The following RBKS variants were observed in gnomAD, a reference collection of about 807,000 sequenced individuals.
The protein encoded by RBKS is ribokinase.
RBKS carries 33 observed loss-of-function variants against 33.9 expected under a neutral mutation model. The observed-to-expected ratio is 0.97, with a 90% CI of 0.74 to 1.30. RBKS has a LOEUF of 1.30. Ranked by LOEUF, RBKS falls within the 50% of genes most tolerant of loss-of-function variation. RBKS has a pLI of 0.00. For synonymous variants in RBKS, 125 were observed against 143.0 expected, an observed-to-expected ratio of 0.87 and a Z score of 0.90; for missense variants, 361 against 392.6, an observed-to-expected ratio of 0.92 and a Z score of 0.68.
rs1482804507 is a variant in RBKS at position 27,837,975 on chromosome 2, G to A, written c.514+5092C>T. On this transcript the variant is annotated intron_variant, in intron 5 of 7. Transcript: ENST00000302188. The surrounding 1 kb of genome is among the most constrained non-coding windows in gnomAD (Gnocchi z 4.0). ...AGTACTTTGGGAGGTTGAGGCAGGTGGATCACCTGAGGTAAGAAGTTCAAG... is the reference window on the plus strand; with the variant it reads ...AGTACTTTGGGAGGTTGAGGCAGGTAGATCACCTGAGGTAAGAAGTTCAAG... Among the ~76,000 whole-genome samples, 2 of 152,152 alleles carry A rather than the reference G, an allele frequency of 1.3e-5. No homozygotes were observed. Among genetic ancestry groups the A allele is most frequent in the Non-Finnish European group, 2.9e-5 (2 of 68,026 alleles).
chr2:27,781,494 TA>T lies in RBKS; in HGVS notation c.*120del. ...AAATTGAAGCTTGAGGATGACTTCG[TA>T]AAAGAACTAATATTTGCAAAGAAAG... is the stretch of plus-strand genomic sequence containing the variant. On this transcript the variant is annotated 3_prime_UTR_variant, in exon 8 of 8. Transcript: ENST00000302188. 2.7e-6 allele frequency: 2 copies of T among 749,488 alleles called. No individual in the cohort carries two copies. The highest frequency in any genetic ancestry group is 2.1e-6 in the Non-Finnish European group (1 of 473,310). The allele number at this position is 749,488 out of a possible 1,614,324, so 46.4% of individuals were successfully genotyped here. A position where few individuals can be genotyped will look rare whatever the true frequency, so the allele number is the denominator to read the frequency against.
chr2:27,889,096 T>C (rs1271076015), intron 1 of RBKS, among the ~76,000 whole-genome samples: 1 of 152,266 alleles, frequency 6.6e-6, no homozygotes, highest in Admixed American at 6.5e-5. Context: ...CGTCAGTCAC[T>C]ATAACTGCCT....
chr2:27,819,068 C>T (rs1424883554), intron 7 of RBKS, among the ~76,000 whole-genome samples: 3 of 152,226 alleles, frequency 2.0e-5, no homozygotes, highest in Non-Finnish European at 4.4e-5. Context: ...AGCACATTCA[C>T]TTGATTCCTT....
intron 7 of RBKS, among the ~76,000 whole-genome samples, chr2:27,801,963 A>AATATAT (rs869036134): frequency 9.2e-4 from 44 of 47,614 alleles, no homozygotes; most frequent in Non-Finnish European, 1.3e-3. Flanking sequence ...AAAAAAAAAA[A>AATATAT]ATATATATAT....
chr2:27,840,360 G>A (rs4988672), intron 5 of RBKS, among the ~76,000 whole-genome samples: 14,568 of 68,256 alleles, frequency 0.21, 2,093 homozygotes, highest in African/African-American at 0.44. Context: ...ACACACGCGC[G>A]CGCGCACACA....
At chr2:27,808,734 C>T (rs1014879629) in intron 7 of RBKS, among the ~76,000 whole-genome samples, 2 of 152,166 alleles carry the variant, frequency 1.3e-5, no homozygotes, top group Non-Finnish European at 2.9e-5. Flanking sequence ...AGCATTTTGA[C>T]GAAGGTGTTT....
intron 2 of RBKS, among the ~76,000 whole-genome samples, chr2:27,851,183 A>G (rs1224062021): frequency 1.3e-5 from 2 of 152,224 alleles, no homozygotes; most frequent in Non-Finnish European, 2.9e-5. Context: ...CTTTCTGGAT[A>G]TATCAATAGA....
intron 1 of RBKS, among the ~76,000 whole-genome samples, chr2:27,864,673 GA>G (rs11297127): frequency 0.98 from 147,273 of 150,704 alleles, 72,052 homozygotes; most frequent in East Asian, 1. Flanking sequence ...TTCATTCTGA[GA>G]AAAAAAAAAA....
At chr2:27,783,982 T>TC (rs1677343181) in intron 7 of RBKS, among the ~76,000 whole-genome samples, 2 of 78,036 alleles carry the variant, frequency 2.6e-5, no homozygotes, top group African/African-American at 9.4e-5. Flanking sequence ...TTTCTTTTTT[T>TC]TTTTTTTTTT....
At chr2:27,787,041 C>T (rs920243845) in intron 7 of RBKS, among the ~76,000 whole-genome samples, 30 of 152,018 alleles carry the variant, frequency 2.0e-4, no homozygotes, top group Non-Finnish European at 4.0e-4. Flanking sequence ...CAGGATGGAG[C>T]GCAGTAGTAT....
At chr2:27,844,551 C>A (rs193105072) in intron 4 of RBKS, among the ~76,000 whole-genome samples, 11 of 152,044 alleles carry the variant, frequency 7.2e-5, no homozygotes, top group Admixed American at 5.2e-4. Context: ...TGCCGCCACG[C>A]CTGGCTAATT....
chr2:27,802,267 G>C (rs897614083), intron 7 of RBKS, among the ~76,000 whole-genome samples: 1 of 151,680 alleles, frequency 6.6e-6, no homozygotes, highest in Non-Finnish European at 1.5e-5. Flanking sequence ...CAAGACCCCA[G>C]CTCCAACACT....
intron 6 of RBKS, among the ~76,000 whole-genome samples, chr2:27,828,292 C>T (rs575488243): frequency 6.6e-5 from 10 of 150,620 alleles, no homozygotes; most frequent in Admixed American, 2.0e-4. Flanking sequence ...AAAGAGAAGT[C>T]TACCAAAAAA....
chr2:27,793,640 G>A (rs1677580360), intron 7 of RBKS, among the ~76,000 whole-genome samples: 1 of 152,196 alleles, frequency 6.6e-6, no homozygotes, highest in Non-Finnish European at 1.5e-5. Flanking sequence ...TATTCAAGGA[G>A]ACTAAAGTAA....
intron 4 of RBKS, among the ~76,000 whole-genome samples, chr2:27,846,626 C>A (rs1265357520): frequency 6.6e-6 from 1 of 152,220 alleles, no homozygotes; most frequent in East Asian, 1.9e-4. Flanking sequence ...TTGCTCAGAA[C>A]ATATTCTATA....
chr2:27,887,342 A>G (rs1664555353), intron 1 of RBKS, among the ~76,000 whole-genome samples: 1 of 152,222 alleles, frequency 6.6e-6, no homozygotes, highest in Non-Finnish European at 1.5e-5. Flanking sequence ...AGCCCTGCTG[A>G]CACCTTGATT....
intron 6 of RBKS, 46 bp from the exon 7 acceptor site, chr2:27,827,801 C>T (rs751520276): frequency 6.9e-7 from 1 of 1,443,568 alleles, no homozygotes; most frequent in South Asian, 1.4e-5. Context: ...AAATAAGTAA[C>T]CTGAATCCAC....
In RBKS at chr2:27,847,238, A is replaced by T. The variant is rs754684523; in HGVS notation, c.287-134T>A. ...ACCATCTGGAATGATAAAAAAAAAT[A>T]AGTAATTAGTGCTAATTTATACCCA... On this transcript the variant is annotated intron_variant, in intron 3 of 7. Transcript: ENST00000302188. 2.3e-5 allele frequency: 13 copies of T among 562,292 alleles called. No individual in the cohort carries two copies. In the South Asian group the frequency reaches 2.8e-4, roughly 12 times the overall value. The allele number at this position is 562,292 out of a possible 1,614,324, so 34.8% of individuals were successfully genotyped here.
At chr2:27,865,303 G>C (rs1165169691) in intron 1 of RBKS, among the ~76,000 whole-genome samples, 1 of 152,194 alleles carries the variant, frequency 6.6e-6, no homozygotes, top group Non-Finnish European at 1.5e-5. Context: ...CTGGGCGACA[G>C]AGCGAGACTC....
Sources: gnomAD v4.1 joint callset for allele counts (sites outside exome capture counted in the v4.1 genomes callset) on GRCh38, gnomAD v4.1.1 for gene constraint, Gnocchi (gnomAD v3.1) non-coding constraint, MANE v1.5 for transcripts, NCBI Gene and HGNC (gene_info 2026-07-23, HGNC 2026-07-21) for gene names.